The following BCL10 variants were observed in gnomAD, a reference collection of about 807,000 sequenced individuals.
BCL10 encodes B-cell lymphoma/leukemia 10.
BCL10 carries 5 observed loss-of-function variants against 19.2 expected under a neutral mutation model. The observed-to-expected ratio is 0.26, with a 90% CI of 0.14 to 0.55. The LOEUF is 0.55. Among genes scored for constraint, BCL10 ranks in the 20% least tolerant of loss-of-function variants. The pLI is 0.94. For missense variants in BCL10, 201 were observed against 271.9 expected (o/e 0.74, Z 1.83); for synonymous variants, 110 against 98.8 (o/e 1.11, Z -0.67).
In BCL10 at chr1:85,270,135, G is replaced by GT. The variant is rs371333895; in HGVS notation, c.346+482dup. 4.6e-3 allele frequency among the ~76,000 whole-genome samples: 704 copies of GT among 152,270 alleles called. 1 individual carries two copies. Among genetic ancestry groups the GT allele is most frequent in the African/African-American group, 0.016 (654 of 41,556 alleles). The stretch of plus-strand genomic sequence containing the variant: ...ATTTCATAATAGTTTTCTATAAATG[G>GT]TATTAAATGAATACAAATACAGGAT... On this transcript the variant is annotated intron_variant, in intron 2 of 2. Transcript: ENST00000648566.
At chr1:85,268,768 C>CAA (rs57560275) in intron 2 of BCL10, among the ~76,000 whole-genome samples, 758 of 66,766 alleles carry the variant, frequency 0.011, 13 homozygotes, top group East Asian at 0.057. Flanking sequence ...GACTCCGTCT[C>CAA]AAAAAAAAAA....
chr1:85,276,237 C>T, intron 1 of BCL10, 59 bp downstream of exon 1: 1 of 1,588,102 alleles, frequency 6.3e-7, no homozygotes, highest in Non-Finnish European at 8.6e-7. Context: ...CTTCCGCTTT[C>T]GTCTCCCGCT....
At position 85,266,876 on chromosome 1, in the gene BCL10, CAAAAAA is replaced by C. The variant is rs71650007; in HGVS notation, c.*745_*750del. On this transcript the variant is annotated 3_prime_UTR_variant, in exon 3 of 3. Coordinates refer to ENST00000648566, the MANE Select transcript of BCL10 (RefSeq NM_003921.5). The stretch of plus-strand genomic sequence containing the variant: ...CCTGGGCGATAGAGCAAGACTGTCT[CAAAAAA>C]AAAAAAAAAAAAAAAAGAAAAAAGG... 11 of 88,532 alleles carry C rather than the reference CAAAAAA, an allele frequency of 1.2e-4. No individual in the cohort carries two copies. Among genetic ancestry groups the C allele is most frequent in the East Asian group, 4.6e-4 (2 of 4,380 alleles). 5.5% of individuals were successfully genotyped at this position (88,532 alleles called of 1,614,324 possible). A position where few individuals can be genotyped will look rare whatever the true frequency, so the allele number is the denominator to read the frequency against.
chr1:85,272,615 A>T (rs998366739), intron 1 of BCL10, among the ~76,000 whole-genome samples: 17 of 152,120 alleles, frequency 1.1e-4, no homozygotes, highest in African/African-American at 3.6e-4. Context: ...TAAAGGATAA[A>T]GTTCCTTTAC....
intron 1 of BCL10, among the ~76,000 whole-genome samples, chr1:85,274,886 G>A (rs747246611): frequency 2.0e-5 from 3 of 152,120 alleles, no homozygotes; most frequent in Non-Finnish European, 2.9e-5. Context: ...TGATATAGGC[G>A]TAAAATGAAA....
At position 85,265,819 on chromosome 1, in the gene BCL10, G is replaced by C. The variant is rs958728624; in HGVS notation, c.*1808C>G. ...TTATTGTCTATGTAGTTAGAAAACA[G>C]TCTGAAAGAAAACTCAGTGTTAAAA... On this transcript the variant is annotated 3_prime_UTR_variant, in exon 3 of 3. Coordinates refer to ENST00000648566, the MANE Select transcript of BCL10 (RefSeq NM_003921.5). 1.3e-5 allele frequency among the ~76,000 whole-genome samples: 2 copies of C among 152,096 alleles called. No homozygotes were observed. The highest frequency in any genetic ancestry group is 1.3e-4 in the Admixed American group (2 of 15,276).
chr1:85,268,115 G>A (rs527952829), intron 2 of BCL10, 133 bp from the exon 3 acceptor site: 54 of 606,726 alleles, frequency 8.9e-5, no homozygotes, highest in South Asian at 4.5e-4. Flanking sequence ...TGTAATTTCC[G>A]TCATAATCTA....
rs932953658 is a variant in BCL10 at position 85,265,932 on chromosome 1, T to C, written c.*1695A>G. 6.6e-6 allele frequency among the ~76,000 whole-genome samples: 1 copy of C among 152,220 alleles called. No individual in the cohort carries two copies. Among genetic ancestry groups the C allele is most frequent in the Non-Finnish European group, 1.5e-5 (1 of 68,032 alleles). The stretch of plus-strand genomic sequence containing the variant: ...GGTGTCCACAAATTTAATTTTAAAG[T>C]CTGCTTCTGCTTTTTAAAGCACCTT... On this transcript the variant is annotated 3_prime_UTR_variant, in exon 3 of 3. Transcript: ENST00000648566.
At chr1:85,273,984 G>A (rs1362026249) in intron 1 of BCL10, among the ~76,000 whole-genome samples, 1 of 152,122 alleles carries the variant, frequency 6.6e-6, no homozygotes, top group Non-Finnish European at 1.5e-5. Flanking sequence ...GCCTTCCTCC[G>A]ATTTCCCCAA....
chr1:85,272,943 C>T (rs894475641), intron 1 of BCL10, among the ~76,000 whole-genome samples: 5 of 152,180 alleles, frequency 3.3e-5, no homozygotes, highest in African/African-American at 1.2e-4. Context: ...CTATCACTAC[C>T]TTTGTCCTGA....
chr1:85,267,819 A>G lies in BCL10; in HGVS notation c.510T>C (p.Ser170=). The G allele has an allele frequency of 6.2e-7, 1 of 1,614,256 alleles. No homozygotes were observed. Among genetic ancestry groups the G allele is most frequent in the Middle Eastern group, 1.6e-4 (1 of 6,062 alleles). The change falls in exon 3 of 3, where the codon TCT becomes TCC. Residue 170 remains serine, a synonymous_variant. Transcript: ENST00000648566. ...CTTCTAGAACAGGCAAATTCAGAGA[A>G]GAATTAGTAGAAAAAAAGGGCGTCG... The part of the protein sequence containing the change: ...SSTTPFFSTN[S]SLNLPVLEVG...
chr1:85,269,439 T>C (rs1244179540), intron 2 of BCL10, among the ~76,000 whole-genome samples: 1 of 152,246 alleles, frequency 6.6e-6, no homozygotes, highest in Non-Finnish European at 1.5e-5. Context: ...TGACAATTTT[T>C]AGGCAAAACC....
In BCL10 at chr1:85,267,258, A is replaced by C. The variant is rs962409; in HGVS notation, c.*369T>G. The stretch of plus-strand genomic sequence containing the variant: ...TGCTGAATGACTGGCAAAGACTATT[A>C]GACTCTTGAAAATTTCTAGCACAAA... On this transcript the variant is annotated 3_prime_UTR_variant, in exon 3 of 3. Transcript: ENST00000648566. 102,619 of 227,348 alleles carry C rather than the reference A, an allele frequency of 0.45. 23,545 individuals carry two copies. The highest frequency in any genetic ancestry group is 0.58 in the South Asian group (3,812 of 6,554). 14.1% of individuals were successfully genotyped at this position (227,348 alleles called of 1,614,324 possible).
At chr1:85,269,810 G>C (rs921449415) in intron 2 of BCL10, among the ~76,000 whole-genome samples, 7 of 152,212 alleles carry the variant, frequency 4.6e-5, no homozygotes, top group Admixed American at 2.6e-4. Context: ...TCTGGAGTGA[G>C]AGTGAAATGG....
At position 85,276,504 on chromosome 1, in the gene BCL10, G is replaced by T. The variant is rs1410852999; in HGVS notation, c.-152C>A. ...AGACGGCCGCCCCTTCGGGAACAGA[G>T]GGACTCGGGGGTCAAACCGTAGCGC... On this transcript the variant is annotated 5_prime_UTR_variant, in exon 1 of 3. Coordinates refer to ENST00000648566, the MANE Select transcript of BCL10 (RefSeq NM_003921.5). 1.3e-6 allele frequency: 1 copy of T among 783,590 alleles called. No individual in the cohort carries two copies. Among genetic ancestry groups the T allele is most frequent in the South Asian group, 1.7e-5 (1 of 59,788 alleles). The allele number at this position is 783,590 out of a possible 1,614,324, so 48.5% of individuals were successfully genotyped here.
intron 2 of BCL10, among the ~76,000 whole-genome samples, chr1:85,268,726 C>G (rs1660275211): frequency 6.8e-6 from 1 of 147,892 alleles, no homozygotes. Flanking sequence ...TGAGATCATG[C>G]CATTGCACTC....
Position 85,276,501 on chromosome 1 carries a change from A to T in BCL10, c.-149T>A. Reference sequence around the variant, plus strand: ...GAAAGACGGCCGCCCCTTCGGGAACAGAGGGACTCGGGGGTCAAACCGTAG... The same window carrying T: ...GAAAGACGGCCGCCCCTTCGGGAACTGAGGGACTCGGGGGTCAAACCGTAG... On this transcript the variant is annotated 5_prime_UTR_variant, in exon 1 of 3. Coordinates refer to ENST00000648566, the MANE Select transcript of BCL10 (RefSeq NM_003921.5). 2 of 836,390 alleles carry T rather than the reference A, an allele frequency of 2.4e-6. No homozygotes were observed. The highest frequency in any genetic ancestry group is 3.2e-5 in the South Asian group (2 of 62,546). The allele number at this position is 836,390 out of a possible 1,614,324, so 51.8% of individuals were successfully genotyped here. A position where few individuals can be genotyped will look rare whatever the true frequency, so the allele number is the denominator to read the frequency against.
Position 85,266,381 on chromosome 1 carries a change from C to A in BCL10, c.*1246G>T. 1 of 187,206 alleles carries A rather than the reference C, an allele frequency of 5.3e-6. No homozygotes were observed. 11.6% of individuals were successfully genotyped at this position (187,206 alleles called of 1,614,324 possible). A position where few individuals can be genotyped will look rare whatever the true frequency, so the allele number is the denominator to read the frequency against. ...TTTAAATAAAAACAAACAGTGAGAG[C>A]ATAAGATTTATAAACATGTAAAATT... On this transcript the variant is annotated 3_prime_UTR_variant, in exon 3 of 3. Coordinates refer to ENST00000648566, the MANE Select transcript of BCL10 (RefSeq NM_003921.5).
intron 2 of BCL10, among the ~76,000 whole-genome samples, chr1:85,269,415 C>T (rs982046618): frequency 1.2e-4 from 18 of 152,318 alleles, no homozygotes; most frequent in African/African-American, 4.3e-4. Flanking sequence ...CCTACAGGCA[C>T]AGAAACCCTG....
Sources: allele counts gnomAD v4.1 joint callset (sites outside exome capture counted in the v4.1 genomes callset), GRCh38; gene constraint gnomAD v4.1.1; transcripts MANE v1.5; gene names NCBI Gene and HGNC (gene_info 2026-07-23, HGNC 2026-07-21).